The following MFSD6 variants were observed in gnomAD, a reference collection of about 807,000 sequenced individuals.
MFSD6 encodes the protein major facilitator superfamily domain-containing protein 6.
In MFSD6, 26 loss-of-function variants were observed where a neutral mutation model predicts 56.3. The ratio of observed to expected loss-of-function variants is 0.46; its 90% CI spans 0.34 to 0.64. MFSD6 has a LOEUF of 0.64. Among genes scored for constraint, MFSD6 ranks in the 30% least tolerant of loss-of-function variants. MFSD6 has a pLI of 0.01. For missense variants in MFSD6, 750 were observed against 986.2 expected, an observed-to-expected ratio of 0.76 and a Z score of 3.21; for synonymous variants, 331 against 366.9, an observed-to-expected ratio of 0.90 and a Z score of 1.12.
At chr2:190,483,302 A>G (rs1457829631) in intron 4 of MFSD6, among the ~76,000 whole-genome samples, 1 of 152,190 alleles carries the variant, frequency 6.6e-6, no homozygotes, top group East Asian at 1.9e-4. Context: ...AATTGTTATG[A>G]GAACATATAG....
chr2:190,469,923 C>T lies in MFSD6; in HGVS notation c.1630+68C>T. On this transcript the variant is annotated intron_variant, in intron 4 of 7. Coordinates refer to ENST00000392328, the MANE Select transcript of MFSD6 (RefSeq NM_017694.4). The surrounding 1 kb of genome is among the most constrained non-coding windows in gnomAD (Gnocchi z 5.3). Reference sequence around the variant, plus strand: ...TGAGCTGTGGCTAAAAGCCCAGTGGCCTTCAGCATCTGATTCTATAAAGGA... The same window carrying T: ...TGAGCTGTGGCTAAAAGCCCAGTGGTCTTCAGCATCTGATTCTATAAAGGA... The T allele has an allele frequency of 9.2e-7, 1 of 1,091,740 alleles. No individual in the cohort carries two copies. The highest frequency in any genetic ancestry group is 1.4e-5 in the South Asian group (1 of 70,704). The allele number at this position is 1,091,740 out of a possible 1,614,324, so 67.6% of individuals were successfully genotyped here.
rs565621776 is a variant in MFSD6 at position 190,451,450 on chromosome 2, G to C, written c.1532+13889G>C. ...GACAGGCACTGTGCTATAATCTAGG[G>C]ATATATGGAATCTGTAATAAGAAAG... On this transcript the variant is annotated intron_variant, in intron 3 of 7. Transcript: ENST00000392328. The surrounding 1 kb of genome is among the most constrained non-coding windows in gnomAD (Gnocchi z 5.0). 6.6e-6 allele frequency among the ~76,000 whole-genome samples: 1 copy of C among 152,180 alleles called. No individual in the cohort carries two copies. Among genetic ancestry groups the C allele is most frequent in the Non-Finnish European group, 1.5e-5 (1 of 68,036 alleles).
intron 3 of MFSD6, among the ~76,000 whole-genome samples, chr2:190,449,729 T>C (rs901967365): frequency 9.9e-5 from 15 of 151,918 alleles, no homozygotes; most frequent in Admixed American, 7.9e-4. Context: ...ATGGATGAAA[T>C]TGGAAATCAT....
In MFSD6 at chr2:190,495,831, AAAAAATC is replaced by A. The variant is rs1689641330; in HGVS notation, c.1892-1605_1892-1599del. On this transcript the variant is annotated intron_variant, in intron 6 of 7. Transcript: ENST00000392328. The surrounding 1 kb of genome is among the most constrained non-coding windows in gnomAD (Gnocchi z 4.7). ...CTGGATCCTCATTTCTCACCGTATA[AAAAAATC>A]AACTCAAGATGGATCAAGGACTTAA... Among the ~76,000 whole-genome samples the A allele has an allele frequency of 1.3e-5, 2 of 152,132 alleles. No individual in the cohort carries two copies.
chr2:190,438,532 T>C lies in MFSD6; in HGVS notation c.1532+971T>C, dbSNP rs542255073. Among the ~76,000 whole-genome samples the C allele has an allele frequency of 6.6e-6, 1 of 152,266 alleles. No individual in the cohort carries two copies. Among genetic ancestry groups the C allele is most frequent in the African/African-American group, 2.4e-5 (1 of 41,566 alleles). On this transcript the variant is annotated intron_variant, in intron 3 of 7. Transcript: ENST00000392328. This position sits in a 1 kb window ranked among gnomAD's most constrained non-coding sequence, Gnocchi z 5.2. ...CTCCATCTAAAAAAAGAGAACACCC[T>C]GTAAGTGCCTAGTGTTTCTTGTTGT...
intron 3 of MFSD6, chr2:190,464,989 T>C (rs2125128532): frequency 1.3e-6 from 1 of 777,460 alleles, no homozygotes; most frequent in Middle Eastern, 6.6e-4. Context: ...ACTACACTGT[T>C]AGGAATTACA....
intron 4 of MFSD6, among the ~76,000 whole-genome samples, chr2:190,478,402 CTTTG>C (rs1688465404): frequency 6.6e-6 from 1 of 152,160 alleles, no homozygotes; most frequent in African/African-American, 2.4e-5. Context: ...AATCCCTTGC[CTTTG>C]TTTGACCCAT....
intron 4 of MFSD6, among the ~76,000 whole-genome samples, chr2:190,486,119 A>T (rs1416208984): frequency 6.6e-6 from 1 of 152,252 alleles, no homozygotes; most frequent in African/African-American, 2.4e-5. Flanking sequence ...AAGATTATGT[A>T]GATGAGACCA....
chr2:190,415,151 A>G lies in MFSD6; in HGVS notation c.-175-141A>G, dbSNP rs1208978411. 6.6e-6 allele frequency: 1 copy of G among 152,182 alleles called. No homozygotes were observed. Among genetic ancestry groups the G allele is most frequent in the African/African-American group, 2.4e-5 (1 of 41,446 alleles). 9.4% of individuals were successfully genotyped at this position (152,182 alleles called of 1,614,324 possible). Reference sequence around the variant, plus strand: ...TTACATTTAAGTCTTTGCTTTTCAGAAAGTTTATGTTTTTACTCTCAGTGA... The same window carrying G: ...TTACATTTAAGTCTTTGCTTTTCAGGAAGTTTATGTTTTTACTCTCAGTGA... On this transcript the variant is annotated intron_variant, in intron 1 of 7. Transcript: ENST00000392328. The surrounding 1 kb of genome is among the most constrained non-coding windows in gnomAD (Gnocchi z 4.5).
intron 3 of MFSD6, among the ~76,000 whole-genome samples, chr2:190,446,310 A>G (rs1686581651): frequency 6.6e-6 from 1 of 152,206 alleles, no homozygotes; most frequent in South Asian, 2.1e-4. Flanking sequence ...AGGTGGATGG[A>G]CGCAGGGTGT....
chr2:190,412,536 G>A lies in MFSD6; in HGVS notation c.-175-2756G>A. ...AACTCAACTAACATGGCATTTCCTT[G>A]GGCATAGCATTTTTGATTCCTGGGA... On this transcript the variant is annotated intron_variant, in intron 1 of 7. Transcript: ENST00000392328. The surrounding 1 kb of genome is among the most constrained non-coding windows in gnomAD (Gnocchi z 4.1). 1.0e-6 allele frequency: 1 copy of A among 985,310 alleles called. No homozygotes were observed. The allele number at this position is 985,310 out of a possible 1,614,324, so 61.0% of individuals were successfully genotyped here.
chr2:190,497,747 A>G lies in MFSD6; in HGVS notation c.2172+28A>G, dbSNP rs756784470. 1 of 1,591,684 alleles carries G rather than the reference A, an allele frequency of 6.3e-7. No homozygotes were observed. Among genetic ancestry groups the G allele is most frequent in the African/African-American group, 1.3e-5 (1 of 74,354 alleles). ...ACAGTTCCTTTGCTGGGCTAGCAAT[A>G]TTACCTGTCACTCAAGATACCTTAA... On this transcript the variant is annotated intron_variant, in intron 7 of 7. Coordinates refer to ENST00000392328, the MANE Select transcript of MFSD6 (RefSeq NM_017694.4). This position sits in a 1 kb window ranked among gnomAD's most constrained non-coding sequence, Gnocchi z 5.2.
chr2:190,470,169 A>G (rs1687834472), intron 4 of MFSD6, among the ~76,000 whole-genome samples: 1 of 152,226 alleles, frequency 6.6e-6, no homozygotes, highest in Non-Finnish European at 1.5e-5. Flanking sequence ...TTTAAGATAT[A>G]AAAATATTTA....
chr2:190,441,900 A>G (rs1019985738), intron 3 of MFSD6, among the ~76,000 whole-genome samples: 5 of 151,984 alleles, frequency 3.3e-5, no homozygotes, highest in Admixed American at 2.0e-4. Flanking sequence ...TCTGTCACCT[A>G]CCTAACCAAG....
At position 190,454,932 on chromosome 2, in the gene MFSD6, GTATGTA is replaced by G. The variant is rs56676240; in HGVS notation, c.1533-14763_1533-14758del. Among the ~76,000 whole-genome samples, 13,018 of 132,794 alleles carry G rather than the reference GTATGTA, an allele frequency of 0.098. 709 individuals are homozygous for G. The highest frequency in any genetic ancestry group is 0.14 in the African/African-American group (4,799 of 33,308). 87.1% of individuals were successfully genotyped at this position (132,794 alleles called of 152,430 possible). On this transcript the variant is annotated intron_variant, in intron 3 of 7. Transcript: ENST00000392328. The surrounding 1 kb of genome is among the most constrained non-coding windows in gnomAD (Gnocchi z 4.6). ...GTATGTATATGTGTTCCTGGTTTCTGTATGTATATGTATATGTATATGTATATGTAT... is the reference window on the plus strand; with the variant it reads ...GTATGTATATGTGTTCCTGGTTTCTGTATGTATATGTATATGTATATGTAT...
Position 190,410,545 on chromosome 2 carries a change from A to G in MFSD6, c.-176+2042A>G, listed in dbSNP as rs896329908. Among the ~76,000 whole-genome samples the G allele has an allele frequency of 2.6e-5, 4 of 152,178 alleles. No individual in the cohort carries two copies. Among genetic ancestry groups the G allele is most frequent in the African/African-American group, 9.7e-5 (4 of 41,422 alleles). On this transcript the variant is annotated intron_variant, in intron 1 of 7. Transcript: ENST00000392328. The surrounding 1 kb of genome is among the most constrained non-coding windows in gnomAD (Gnocchi z 4.4). ...TTTAGCCATGTAGGATAATTTATATATTTATTACGTATGTATATTAATGTG... is the reference window on the plus strand; with the variant it reads ...TTTAGCCATGTAGGATAATTTATATGTTTATTACGTATGTATATTAATGTG...
chr2:190,454,892 A>G lies in MFSD6; in HGVS notation c.1533-14866A>G, dbSNP rs113730731. 2.0e-5 allele frequency among the ~76,000 whole-genome samples: 3 copies of G among 151,588 alleles called. No individual in the cohort carries two copies. Among genetic ancestry groups the G allele is most frequent in the African/African-American group, 7.3e-5 (3 of 41,050 alleles). On this transcript the variant is annotated intron_variant, in intron 3 of 7. Transcript: ENST00000392328. The surrounding 1 kb of genome is among the most constrained non-coding windows in gnomAD (Gnocchi z 4.6). Reference sequence around the variant, plus strand: ...GGTAGGAGTGAGTCCGGCAACGGCAAACTTGTATTTTTCTGTATGTATATG... The same window carrying G: ...GGTAGGAGTGAGTCCGGCAACGGCAGACTTGTATTTTTCTGTATGTATATG...
chr2:190,422,574 C>T (rs1369467953), intron 2 of MFSD6, among the ~76,000 whole-genome samples: 1 of 152,240 alleles, frequency 6.6e-6, no homozygotes, highest in East Asian at 1.9e-4. Context: ...ATATCTGAAG[C>T]CATTCTCATT....
At chr2:190,493,139 G>A (rs149162352) in intron 6 of MFSD6, among the ~76,000 whole-genome samples, 9 of 151,994 alleles carry the variant, frequency 5.9e-5, no homozygotes, top group East Asian at 5.8e-4. Context: ...CAAGAGACTC[G>A]CCTAACACAT....
Sources: allele counts gnomAD v4.1 joint callset (sites outside exome capture counted in the v4.1 genomes callset), GRCh38; gene constraint gnomAD v4.1.1; non-coding constraint Gnocchi (gnomAD v3.1); transcripts MANE v1.5; gene names NCBI Gene and HGNC (gene_info 2026-07-23, HGNC 2026-07-21).